The following UIMC1 variants were observed in gnomAD, a reference collection of about 807,000 sequenced individuals.
UIMC1 encodes the protein BRCA1-A complex subunit RAP80.
Under a neutral mutation model 84.9 loss-of-function variants are expected in UIMC1, and 42 were observed. The ratio of observed to expected loss-of-function variants is 0.49; its 90% CI spans 0.39 to 0.64. The LOEUF (loss-of-function observed/expected upper bound fraction) is 0.64, where lower values mean the gene tolerates loss of function less well. Among genes scored for constraint, UIMC1 ranks in the 30% least tolerant of loss-of-function variants. The pLI is 0.00. For missense variants in UIMC1, 825 were observed against 847.6 expected (o/e 0.97, Z 0.33); for synonymous variants, 281 against 293.0 (o/e 0.96, Z 0.42).
intron 2 of UIMC1, 32 bp from the exon 3 acceptor site, chr5:176,975,512 G>A: frequency 1.2e-6 from 2 of 1,608,624 alleles, no homozygotes; most frequent in Non-Finnish European, 8.5e-7. Flanking sequence ...CATCAGTGTG[G>A]CTGCCACTAA....
intron 7 of UIMC1, among the ~76,000 whole-genome samples, chr5:176,956,596 A>G (rs941484106): frequency 6.6e-6 from 1 of 152,156 alleles, no homozygotes; most frequent in African/African-American, 2.4e-5. Context: ...CAAAAACTTA[A>G]TTATGAATGG....
At chr5:176,911,003 C>T (rs561244223) in intron 11 of UIMC1, among the ~76,000 whole-genome samples, 1 of 151,558 alleles carries the variant, frequency 6.6e-6, no homozygotes, top group East Asian at 1.9e-4. Context: ...ACAGGAGAAT[C>T]GCTTGAACCC....
At chr5:176,953,690 G>A (rs888922045) in intron 8 of UIMC1, among the ~76,000 whole-genome samples, 1 of 152,114 alleles carries the variant, frequency 6.6e-6, no homozygotes, top group Admixed American at 6.6e-5. Context: ...TTCTGTGAAT[G>A]GCTGAAATGT....
intron 9 of UIMC1, among the ~76,000 whole-genome samples, chr5:176,948,679 A>G (rs941981423): frequency 6.6e-6 from 1 of 152,248 alleles, no homozygotes; most frequent in Non-Finnish European, 1.5e-5. Context: ...TGACTGGCAC[A>G]AAGTATACAA....
At position 176,982,541 on chromosome 5, in the gene UIMC1, G is replaced by A. The variant is rs768970258; in HGVS notation, c.75C>T (p.Thr25=). 5.5e-5 allele frequency: 89 copies of A among 1,613,898 alleles called. No homozygotes were observed. The East Asian group carries it at 2.0e-3, about 36-fold the overall frequency. ...RNLEKKDVET[T]SSVSVKRKRR... The stretch of plus-strand genomic sequence containing the variant: ...GCTTCCTCTTCACACTGACAGAACT[G>A]GTAGTTTCCACATCCTTCTTCTCCA... The change falls in exon 2 of 15, where the codon ACC becomes ACT. Residue 25 remains threonine, a synonymous_variant. Coordinates refer to ENST00000511320, the MANE Select transcript of UIMC1 (RefSeq NM_001199298.2).
chr5:177,020,462 G>A (rs1377249451), intron 1 of UIMC1, among the ~76,000 whole-genome samples: 4 of 152,048 alleles, frequency 2.6e-5, no homozygotes, highest in Non-Finnish European at 5.9e-5. Context: ...ATGGAGTCTC[G>A]CTCTGTTGCC....
At position 176,975,496 on chromosome 5, in the gene UIMC1, A is replaced by G; in HGVS notation, c.148-16T>C. Reference sequence around the variant, plus strand: ...CCTTTGGTTCCTGTTGCAAAACAAGAAATATCATCAGTGTGGCTGCCACTA... The same window carrying G: ...CCTTTGGTTCCTGTTGCAAAACAAGGAATATCATCAGTGTGGCTGCCACTA... On this transcript the variant is annotated splice_polypyrimidine_tract_variant and intron_variant, in intron 2 of 14. Coordinates refer to ENST00000511320, the MANE Select transcript of UIMC1 (RefSeq NM_001199298.2). 6.2e-7 allele frequency: 1 copy of G among 1,613,664 alleles called. No individual in the cohort carries two copies. Among genetic ancestry groups the G allele is most frequent in the Non-Finnish European group, 8.5e-7 (1 of 1,179,724 alleles).
chr5:177,006,910 T>C (rs558804577), upstream of UIMC1, among the ~76,000 whole-genome samples: 1 of 152,228 alleles, frequency 6.6e-6, no homozygotes, highest in South Asian at 2.1e-4. Flanking sequence ...TGCTTGCGCT[T>C]TGGGGGAAAG....
intron 3 of UIMC1, among the ~76,000 whole-genome samples, chr5:176,972,805 C>G (rs1282236821): frequency 1.3e-5 from 2 of 151,994 alleles, no homozygotes; most frequent in African/African-American, 4.8e-5. Flanking sequence ...AACACAACAA[C>G]AATTAACAAT....
At chr5:177,016,545 G>T (rs1775673908) in intron 1 of UIMC1, among the ~76,000 whole-genome samples, 1 of 150,400 alleles carries the variant, frequency 6.6e-6, no homozygotes, top group African/African-American at 2.5e-5. Context: ...AAAAAAATTA[G>T]CTGGGTGTGG....
At chr5:177,013,988 T>C (rs967783970) in intron 1 of UIMC1, among the ~76,000 whole-genome samples, 6 of 151,952 alleles carry the variant, frequency 3.9e-5, no homozygotes, top group Admixed American at 6.6e-5. Context: ...AGAAGGAAAG[T>C]AGATGTTCAG....
At chr5:176,950,889 G>T (rs896879129) in intron 9 of UIMC1, among the ~76,000 whole-genome samples, 1 of 151,498 alleles carries the variant, frequency 6.6e-6, no homozygotes, top group Non-Finnish European at 1.5e-5. Context: ...GAAAAGAAAA[G>T]GAAAAATATA....
At position 176,945,501 on chromosome 5, in the gene UIMC1, G is replaced by A. The variant is rs190961844; in HGVS notation, c.1444-2013C>T. Among the ~76,000 whole-genome samples, 61 of 152,296 alleles carry A rather than the reference G, an allele frequency of 4.0e-4. 2 individuals carry two copies. The South Asian group carries it at 8.9e-3, about 22-fold the overall frequency. On this transcript the variant is annotated intron_variant, in intron 9 of 14. Coordinates refer to ENST00000511320, the MANE Select transcript of UIMC1 (RefSeq NM_001199298.2). ...CAATGCCAGGTTGGACTGCTAGAAC[G>A]AGTCAACAGCGCGTGATGTGCTTCC...
intron 11 of UIMC1, among the ~76,000 whole-genome samples, chr5:176,910,933 T>C (rs896783048): frequency 6.6e-6 from 1 of 151,590 alleles, no homozygotes; most frequent in Non-Finnish European, 1.5e-5. Flanking sequence ...CTACTAAAAA[T>C]ACAAAATTAG....
intron 10 of UIMC1, among the ~76,000 whole-genome samples, chr5:176,921,461 G>A (rs1436466472): frequency 6.6e-6 from 1 of 152,050 alleles, no homozygotes; most frequent in African/African-American, 2.4e-5. Flanking sequence ...GTTATTCACT[G>A]GGCATCTTAA....
chr5:176,995,444 G>C (rs542116450), intron 1 of UIMC1, among the ~76,000 whole-genome samples: 8 of 149,858 alleles, frequency 5.3e-5, no homozygotes, highest in Middle Eastern at 3.5e-3. Context: ...AGTTACTCAG[G>C]AGGCTGGGGT....
In UIMC1 at chr5:176,911,366, CCT is replaced by C; in HGVS notation, c.1619_1620del (p.Glu540GlyfsTer6). ...EDTVLTRRQK[E>X]AKTKSDSGTA... ...GTCCCACTGTCACTCTTGGTCTTGG[CCT>C]CTTTTTGTCTCCGAGTCAATACTTT... On this transcript the variant is annotated frameshift_variant, in exon 11 of 15. Transcript: ENST00000511320. LOFTEE classifies it high-confidence loss of function. 6.3e-7 allele frequency: 1 copy of C among 1,594,918 alleles called. No individual in the cohort carries two copies. The highest frequency in any genetic ancestry group is 8.5e-7 in the Non-Finnish European group (1 of 1,169,630).
chr5:177,006,519 C>CGGCGTCGGGAGAGGCCTACCTT (rs1317836181), intron 1 of UIMC1, 131 bp downstream of exon 1: 1 of 152,318 alleles, frequency 6.6e-6, no homozygotes, highest in East Asian at 1.9e-4. Context: ...AGGGCCGCCC[C>CGGCGTCGGGAGAGGCCTACCTT]GGCGTCGGGA....
intron 1 of UIMC1, among the ~76,000 whole-genome samples, chr5:177,000,217 G>A (rs937637783): frequency 2.0e-5 from 3 of 152,198 alleles, no homozygotes; most frequent in Non-Finnish European, 4.4e-5. Flanking sequence ...GCCTCCCAAA[G>A]TGCTGGGATT....
Sources: allele counts gnomAD v4.1 joint callset (sites outside exome capture counted in the v4.1 genomes callset), GRCh38; gene constraint gnomAD v4.1.1; transcripts MANE v1.5; gene names NCBI Gene and HGNC (gene_info 2026-07-23, HGNC 2026-07-21).